The following GRAMD1B variants were observed in gnomAD, a reference collection of about 807,000 sequenced individuals.
GRAMD1B encodes the protein protein Aster-B.
Under a neutral mutation model 99.7 loss-of-function variants are expected in GRAMD1B, and 37 were observed. The observed-to-expected ratio is 0.37, with a 90% CI of 0.29 to 0.49. The LOEUF is 0.49. GRAMD1B is among the 20% of genes least tolerant of loss of function. GRAMD1B has a pLI of 0.98. For synonymous variants in GRAMD1B, 427 were observed against 387.6 expected, an observed-to-expected ratio of 1.10 and a Z score of -1.19; for missense variants, 888 against 1,009.2, an observed-to-expected ratio of 0.88 and a Z score of 1.63.
chr11:123,439,261 C>A (rs1949300939), intron 1 of GRAMD1B, among the ~76,000 whole-genome samples: 1 of 152,094 alleles, frequency 6.6e-6, no homozygotes, highest in Non-Finnish European at 1.5e-5. Flanking sequence ...AACAGAAAAT[C>A]GAATGTGGGT....
At chr11:123,397,886 A>C (rs143923180) in intron 1 of GRAMD1B, among the ~76,000 whole-genome samples, 265 of 152,292 alleles carry the variant, frequency 1.7e-3, no homozygotes, top group Non-Finnish European at 3.5e-3. Flanking sequence ...AATGGTTTTG[A>C]GATTCATCTA....
intron 2 of GRAMD1B, among the ~76,000 whole-genome samples, chr11:123,545,633 A>T (rs1370355835): frequency 6.6e-6 from 1 of 152,202 alleles, no homozygotes; most frequent in Non-Finnish European, 1.5e-5. Context: ...TAGGCTTATG[A>T]TAGTGCTCAT....
intron 1 of GRAMD1B, among the ~76,000 whole-genome samples, chr11:123,365,598 A>G (rs1170910041): frequency 6.6e-6 from 1 of 151,996 alleles, no homozygotes; most frequent in Admixed American, 6.5e-5. Flanking sequence ...TTTTCCTATC[A>G]TCTGTCATTA....
At chr11:123,468,869 T>G (rs1950844798) in intron 1 of GRAMD1B, among the ~76,000 whole-genome samples, 1 of 151,786 alleles carries the variant, frequency 6.6e-6, no homozygotes, top group African/African-American at 2.4e-5. Flanking sequence ...CAAGGAAGAT[T>G]TACTACTTTT....
intron 1 of GRAMD1B, among the ~76,000 whole-genome samples, chr11:123,398,855 C>T (rs2135903326): frequency 6.6e-6 from 1 of 152,298 alleles, no homozygotes; most frequent in Admixed American, 6.5e-5. Flanking sequence ...AAATCATCAT[C>T]ACAACCTGTG....
chr11:123,577,268 T>C, intron 2 of GRAMD1B, 99 bp from the exon 3 acceptor site: 1 of 987,870 alleles, frequency 1.0e-6, no homozygotes, highest in Non-Finnish European at 1.6e-6. Context: ...CTCCCTGAGC[T>C]GGCTCCTTTG....
At chr11:123,423,243 CA>C (rs1948518142) in intron 1 of GRAMD1B, among the ~76,000 whole-genome samples, 1 of 107,286 alleles carries the variant, frequency 9.3e-6, no homozygotes, top group African/African-American at 3.4e-5. Context: ...AACAATAAGA[CA>C]CACACACACA....
intron 1 of GRAMD1B, among the ~76,000 whole-genome samples, chr11:123,418,182 C>A (rs1468119737): frequency 1.3e-5 from 2 of 152,162 alleles, no homozygotes; most frequent in Non-Finnish European, 2.9e-5. Flanking sequence ...TAATGTCAGC[C>A]TTCTAATCAG....
At chr11:123,504,804 C>A (rs547990729) in intron 2 of GRAMD1B, among the ~76,000 whole-genome samples, 1 of 152,194 alleles carries the variant, frequency 6.6e-6, no homozygotes, top group Non-Finnish European at 1.5e-5. Flanking sequence ...ACCTCAGCCT[C>A]CCAAGTAGCT....
intron 7 of GRAMD1B, among the ~76,000 whole-genome samples, chr11:123,597,779 C>G (rs889528885): frequency 6.6e-6 from 1 of 152,210 alleles, no homozygotes. Context: ...TAAAACACAT[C>G]TCAAACCTGC....
upstream of GRAMD1B, among the ~76,000 whole-genome samples, chr11:123,428,620 T>G (rs144750979): frequency 1.3e-5 from 2 of 152,348 alleles, no homozygotes; most frequent in East Asian, 3.9e-4. Flanking sequence ...ACTTGACAAG[T>G]GTCATTGCAG....
chr11:123,554,288 T>A (rs1334541100), intron 2 of GRAMD1B, among the ~76,000 whole-genome samples: 2 of 152,202 alleles, frequency 1.3e-5, no homozygotes, highest in African/African-American at 2.4e-5. Flanking sequence ...GAAGGGATGA[T>A]GTCCTACTCA....
At chr11:123,554,160 C>T (rs991751254) in intron 2 of GRAMD1B, among the ~76,000 whole-genome samples, 1 of 152,116 alleles carries the variant, frequency 6.6e-6, no homozygotes, top group Non-Finnish European at 1.5e-5. Flanking sequence ...GTTTCCTCTT[C>T]CATAAAGTAG....
chr11:123,405,910 T>C (rs1489167803), intron 1 of GRAMD1B, among the ~76,000 whole-genome samples: 3 of 152,232 alleles, frequency 2.0e-5, no homozygotes, highest in Admixed American at 6.5e-5. Context: ...TTTCTTAAAT[T>C]CTTTTTCAGT....
chr11:123,570,744 C>T (rs1947987843), intron 2 of GRAMD1B, among the ~76,000 whole-genome samples: 1 of 152,092 alleles, frequency 6.6e-6, no homozygotes, highest in Non-Finnish European at 1.5e-5. Flanking sequence ...TTAATAATAC[C>T]AGCAGCTCAA....
chr11:123,442,568 A>G (rs1565502412), intron 1 of GRAMD1B, among the ~76,000 whole-genome samples: 2 of 152,200 alleles, frequency 1.3e-5, no homozygotes. Context: ...TCCAGAGTTC[A>G]AGACCAGTCT....
intron 10 of GRAMD1B, 27 bp downstream of exon 10, chr11:123,605,505 AC>A (rs749589809): frequency 1.3e-6 from 2 of 1,586,546 alleles, no homozygotes; most frequent in Non-Finnish European, 1.7e-6. Flanking sequence ...TTTGACTTCT[AC>A]CCCCAGTCCT....
intron 1 of GRAMD1B, among the ~76,000 whole-genome samples, chr11:123,438,457 T>C (rs973547324): frequency 1.3e-5 from 2 of 151,560 alleles, no homozygotes; most frequent in Non-Finnish European, 2.9e-5. Context: ...GAGATGTGTG[T>C]GAGGTTGTGG....
chr11:123,618,796 GA>G lies in GRAMD1B; in HGVS notation c.2425del (p.Arg809GlyfsTer13). 2 of 1,512,924 alleles carry G rather than the reference GA, an allele frequency of 1.3e-6. No homozygotes were observed. The highest frequency in any genetic ancestry group is 1.8e-6 in the Non-Finnish European group (2 of 1,104,724). The allele number at this position is 1,512,924 out of a possible 1,614,324, so 93.7% of individuals were successfully genotyped here. Reference sequence around the variant, plus strand: ...TGCCTGGCAGGGTCTAAGGCTCCAAGAAAGGTAATCCTGGCCTCGTCCCCTC... The same window carrying G: ...TGCCTGGCAGGGTCTAAGGCTCCAAGAAGGTAATCCTGGCCTCGTCCCCTC... ...LTAWQGLRLQ[E>X]RLPQSQTEWA... is the part of the protein sequence containing the mutation. On this transcript the variant is annotated frameshift_variant, in exon 18 of 20. Transcript: ENST00000635736. LOFTEE classifies it high-confidence loss of function.
Sources: allele counts gnomAD v4.1 joint callset (sites outside exome capture counted in the v4.1 genomes callset), GRCh38; gene constraint gnomAD v4.1.1; transcripts MANE v1.5; gene names NCBI Gene and HGNC (gene_info 2026-07-23, HGNC 2026-07-21).